CIB1: variants seen among roughly 807,000 people sequenced by gnomAD.
CIB1 encodes the protein calcium and integrin-binding protein 1.
Under a neutral mutation model 25.0 loss-of-function variants are expected in CIB1, and 19 were observed. The ratio of observed to expected loss-of-function variants is 0.76; its 90% CI spans 0.53 to 1.12. The LOEUF is 1.12. Among genes scored for constraint, CIB1 ranks in the 50% most tolerant of loss-of-function variants. The pLI, the probability that CIB1 is intolerant of heterozygous loss-of-function variation, is 0.00. For missense variants in CIB1, 236 were observed against 242.6 expected (o/e 0.97, Z 0.18); for synonymous variants, 104 against 98.5 (o/e 1.06, Z -0.33).
chr15:90,256,245 C>T, the CIB1 span: 1 of 1,614,138 alleles, frequency 6.2e-7, no homozygotes, highest in Non-Finnish European at 8.5e-7. Flanking sequence ...ACCCGAAATC[C>T]CCGGGAGATC....
chr15:90,264,812 C>T, the CIB1 span: 1 of 1,536,132 alleles, frequency 6.5e-7, no homozygotes, highest in South Asian at 1.2e-5. Context: ...CTATTTTCTG[C>T]AACCGGAAAG....
chr15:90,264,851 A>G, the CIB1 span: 1 of 1,536,004 alleles, frequency 6.5e-7, no homozygotes, highest in Non-Finnish European at 8.7e-7. Context: ...GACTGAATGC[A>G]CCTTGCCCTC....
At chr15:90,255,421 A>G in the CIB1 span, among the ~76,000 whole-genome samples, 2 of 152,090 alleles carry the variant, frequency 1.3e-5, no homozygotes, top group African/African-American at 4.8e-5. Flanking sequence ...GCTATCATGC[A>G]TTAGTTATTG....
At chr15:90,242,376 C>T in the CIB1 span, 3 of 186,068 alleles carry the variant, frequency 1.6e-5, no homozygotes, top group East Asian at 1.2e-4. Flanking sequence ...CCTCCCACCT[C>T]GGCCTCCCAA....
In CIB1 at chr15:90,231,624, A is replaced by C. The variant is rs371302257; in HGVS notation, c.196-117T>G. ...CAGCGAGCTCAGCCTCGTGGGGGTG[A>C]ACAGTCAGTGCTTTGGGGCCAACAT... On this transcript the variant is annotated intron_variant, in intron 3 of 6. Coordinates refer to ENST00000328649, the MANE Select transcript of CIB1 (RefSeq NM_006384.4). The C allele has an allele frequency of 4.1e-6, 5 of 1,212,180 alleles. No homozygotes were observed. In the African/African-American group the frequency reaches 4.5e-5, roughly 11 times the overall value. 75.1% of individuals were successfully genotyped at this position (1,212,180 alleles called of 1,614,324 possible).
the CIB1 span, chr15:90,245,532 CAT>C: frequency 4.3e-4 from 66 of 151,958 alleles, no homozygotes; most frequent in African/African-American, 1.4e-3. Flanking sequence ...TGACCACCCT[CAT>C]ATTTTTGGTA....
chr15:90,232,856 G>A (rs866935864), intron 2 of CIB1, among the ~76,000 whole-genome samples: 1 of 151,516 alleles, frequency 6.6e-6, no homozygotes, highest in Admixed American at 6.6e-5. Context: ...ACTTGAACCC[G>A]GAGGCAGAGC....
rs377673570 is a variant in CIB1, at chr15:90,231,063, C to T, written c.465+32G>A. On this transcript the variant is annotated intron_variant, in intron 5 of 6. Transcript: ENST00000328649. ...TTTCAGGCCAGAGCCCCAACTGCTC[C>T]CTCCCGCTCCCAGGCCTGCTCAGCT... 5.7e-5 allele frequency: 92 copies of T among 1,613,250 alleles called. No homozygotes were observed. In the African/African-American group the frequency reaches 1.2e-3, roughly 20 times the overall value.
chr15:90,241,213 G>A, the CIB1 span: 50 of 1,614,030 alleles, frequency 3.1e-5, no homozygotes, highest in Non-Finnish European at 3.6e-5. Context: ...AATGTGGAGC[G>A]TGGTGTGCAG....
the CIB1 span, chr15:90,256,156 G>A: frequency 6.8e-6 from 11 of 1,614,182 alleles, no homozygotes; most frequent in Non-Finnish European, 9.3e-6. Flanking sequence ...GGGACTTCCA[G>A]TCCTACGGTC....
At position 90,230,340 on chromosome 15, in the gene CIB1, C is replaced by A; in HGVS notation, c.*144G>T. On this transcript the variant is annotated 3_prime_UTR_variant, in exon 7 of 7. Transcript: ENST00000328649. ...GGAGAGGCCCTGACAACGAGGGCCG[C>A]CCCTGCCCGGGGTGAGGCTGCACAG... is the stretch of plus-strand genomic sequence containing the variant. 1 of 895,182 alleles carries A rather than the reference C, an allele frequency of 1.1e-6. No individual in the cohort carries two copies. The highest frequency in any genetic ancestry group is 1.7e-6 in the Non-Finnish European group (1 of 572,090). The allele number at this position is 895,182 out of a possible 1,614,324, so 55.5% of individuals were successfully genotyped here.
At chr15:90,262,450 A>C in the CIB1 span, 1 of 1,441,712 alleles carries the variant, frequency 6.9e-7, no homozygotes, top group Non-Finnish European at 9.1e-7. Flanking sequence ...TCTTCTCCCC[A>C]ACACCATTTC....
the CIB1 span, among the ~76,000 whole-genome samples, chr15:90,251,967 C>T: frequency 0.062 from 9,459 of 151,900 alleles, 414 homozygotes; most frequent in Admixed American, 0.09. Context: ...CTTGAACTCC[C>T]GAGCTCAAGC....
chr15:90,256,413 C>T, the CIB1 span: 10 of 1,304,802 alleles, frequency 7.7e-6, no homozygotes, highest in Admixed American at 6.9e-5. Context: ...CCACTAGCCC[C>T]GTTTTCCTGG....
chr15:90,251,408 G>A, the CIB1 span: 5 of 802,592 alleles, frequency 6.2e-6, no homozygotes, highest in African/African-American at 6.8e-5. Flanking sequence ...ACAGGCATGA[G>A]CCACCGCGCC....
At chr15:90,258,816 C>T in the CIB1 span, 1 of 1,614,182 alleles carries the variant, frequency 6.2e-7, no homozygotes, top group African/African-American at 1.3e-5. Context: ...CTCTGTGATG[C>T]TATGACCCTT....
Position 90,233,683 on chromosome 15 carries a change from C to T in CIB1, c.72G>A (p.Lys24=). 1.9e-6 allele frequency: 3 copies of T among 1,578,714 alleles called. No individual in the cohort carries two copies. Among genetic ancestry groups the T allele is most frequent in the South Asian group, 1.2e-5 (1 of 86,232 alleles). ...AEYQDLTFLT[K]QEILLAHRRF... The stretch of plus-strand genomic sequence containing the variant: ...GCAGCACTTACAGGAGGATCTCCTG[C>T]TTCGTCAGGAACGTCAAGTCCTGGA... The change falls in exon 2 of 7, where the codon AAG becomes AAA. Residue 24 remains lysine (K), a synonymous_variant. Coordinates refer to ENST00000328649, the MANE Select transcript of CIB1 (RefSeq NM_006384.4).
At chr15:90,261,954 A>G in the CIB1 span, 1 of 1,418,380 alleles carries the variant, frequency 7.1e-7, no homozygotes, top group Admixed American at 2.3e-5. Flanking sequence ...TCCTTTCCCT[A>G]CTGAACATTC....
At chr15:90,258,407 G>T in the CIB1 span, 1 of 759,562 alleles carries the variant, frequency 1.3e-6, no homozygotes, top group South Asian at 1.7e-5. Context: ...GGAATGAGCA[G>T]AAGGCATAAG....
Sources: allele counts gnomAD v4.1 joint callset (sites outside exome capture counted in the v4.1 genomes callset), GRCh38; gene constraint gnomAD v4.1.1; transcripts MANE v1.5; gene names NCBI Gene and HGNC (gene_info 2026-07-23, HGNC 2026-07-21).